The following STK3 variants were observed in gnomAD, a reference collection of about 807,000 sequenced individuals.
The protein encoded by STK3 is serine/threonine-protein kinase 3.
STK3 carries 41 observed loss-of-function variants against 58.0 expected under a neutral mutation model. That is an observed-to-expected ratio of 0.71 (90% CI 0.55 to 0.92). The LOEUF is 0.92. Among genes scored for constraint, STK3 ranks in the 40% least tolerant of loss-of-function variants. The pLI is 0.00. For missense variants in STK3, 479 were observed against 602.7 expected, an observed-to-expected ratio of 0.79 and a Z score of 2.15; for synonymous variants, 170 against 191.0, an observed-to-expected ratio of 0.89 and a Z score of 0.91.
At chr8:98,625,906 G>A (rs897878527) in intron 6 of STK3, among the ~76,000 whole-genome samples, 1 of 152,136 alleles carries the variant, frequency 6.6e-6, no homozygotes, top group Non-Finnish European at 1.5e-5. Flanking sequence ...CTGAAGTGGG[G>A]GGCTTATGAT....
At chr8:98,743,512 TG>T (rs1294404156) in intron 4 of STK3, among the ~76,000 whole-genome samples, 1 of 152,172 alleles carries the variant, frequency 6.6e-6, no homozygotes, top group Non-Finnish European at 1.5e-5. Flanking sequence ...TAAATGGTGC[TG>T]GGAAAACTGG....
intron 1 of STK3, among the ~76,000 whole-genome samples, chr8:98,789,323 C>T (rs768239595): frequency 6.6e-6 from 1 of 152,014 alleles, no homozygotes; most frequent in African/African-American, 2.4e-5. Flanking sequence ...AGAGCACAGA[C>T]AATCTAAGGC....
intron 6 of STK3, among the ~76,000 whole-genome samples, chr8:98,659,124 C>G (rs1297939760): frequency 6.6e-6 from 1 of 151,986 alleles, no homozygotes; most frequent in East Asian, 1.9e-4. Context: ...CTATGATATT[C>G]TTCACAGATT....
intron 6 of STK3, among the ~76,000 whole-genome samples, chr8:98,662,799 A>G (rs980216497): frequency 9.2e-5 from 14 of 152,042 alleles, no homozygotes; most frequent in African/African-American, 3.1e-4. Flanking sequence ...AACATTAGGT[A>G]TATCTCCTAA....
intron 5 of STK3, 115 bp from the exon 6 acceptor site, chr8:98,706,749 A>G (rs2131070062): frequency 7.4e-6 from 9 of 1,217,404 alleles, no homozygotes; most frequent in African/African-American, 1.5e-5. Flanking sequence ...TATATCAGAA[A>G]TTGACTATTT....
chr8:98,897,594 C>CA (rs1426683129), intron 1 of STK3, among the ~76,000 whole-genome samples: 4 of 151,940 alleles, frequency 2.6e-5, no homozygotes, highest in Non-Finnish European at 5.9e-5. Context: ...GACTCCGTCT[C>CA]AAAAACAAAC....
At chr8:98,817,673 C>T (rs954923267) in intron 1 of STK3, among the ~76,000 whole-genome samples, 6 of 152,040 alleles carry the variant, frequency 3.9e-5, no homozygotes, top group Admixed American at 2.0e-4. Context: ...AGGATTGATT[C>T]TTTTTTTCCC....
chr8:98,790,686 G>T (rs1024997680), intron 1 of STK3, among the ~76,000 whole-genome samples: 1 of 152,136 alleles, frequency 6.6e-6, no homozygotes, highest in African/African-American at 2.4e-5. Flanking sequence ...ACAAGAGAAA[G>T]AAATAAAGGG....
chr8:98,887,083 C>T (rs1200434843), intron 1 of STK3, among the ~76,000 whole-genome samples: 5 of 151,694 alleles, frequency 3.3e-5, no homozygotes, highest in African/African-American at 9.7e-5. Flanking sequence ...GGCAACAGAG[C>T]GAGACTCCAC....
chr8:98,524,283 A>G (rs2131469741), intron 10 of STK3, among the ~76,000 whole-genome samples: 1 of 152,340 alleles, frequency 6.6e-6, no homozygotes, highest in South Asian at 2.1e-4. Context: ...ATCAGGAAAC[A>G]TGAGATCTTC....
At chr8:98,791,774 T>C (rs1015793257) in intron 1 of STK3, among the ~76,000 whole-genome samples, 3 of 152,154 alleles carry the variant, frequency 2.0e-5, no homozygotes, top group African/African-American at 7.2e-5. Flanking sequence ...TGTAGGAGAA[T>C]GAAACTGGAT....
At chr8:98,538,496 T>C (rs917966676) in intron 9 of STK3, among the ~76,000 whole-genome samples, 1 of 152,178 alleles carries the variant, frequency 6.6e-6, no homozygotes, top group Non-Finnish European at 1.5e-5. Context: ...TCCAAGTATT[T>C]ATGAAGGGTT....
At chr8:98,679,108 T>C (rs1234034050) in intron 6 of STK3, among the ~76,000 whole-genome samples, 1 of 152,176 alleles carries the variant, frequency 6.6e-6, no homozygotes, top group Non-Finnish European at 1.5e-5. Flanking sequence ...GAAGTCACCG[T>C]CATCTCTCGG....
At chr8:98,896,825 A>G (rs907814332) in intron 1 of STK3, among the ~76,000 whole-genome samples, 1 of 152,048 alleles carries the variant, frequency 6.6e-6, no homozygotes, top group Non-Finnish European at 1.5e-5. Context: ...CAAAAAATAC[A>G]AAAATTAGCT....
intron 1 of STK3, among the ~76,000 whole-genome samples, chr8:98,775,898 T>A (rs978596153): frequency 6.6e-6 from 1 of 152,134 alleles, no homozygotes; most frequent in Non-Finnish European, 1.5e-5. Flanking sequence ...CAAAGATATA[T>A]CATGATGAAC....
chr8:98,755,863 C>A (rs1249761747), intron 3 of STK3, among the ~76,000 whole-genome samples: 1 of 152,114 alleles, frequency 6.6e-6, no homozygotes, highest in Non-Finnish European at 1.5e-5. Flanking sequence ...AGAAGCAGGC[C>A]GGGCACGGTG....
chr8:98,559,624 A>G (rs1166038977), intron 8 of STK3, among the ~76,000 whole-genome samples: 1 of 152,148 alleles, frequency 6.6e-6, no homozygotes, highest in Admixed American at 6.6e-5. Flanking sequence ...CTTGGGATTC[A>G]GACCGCTGTA....
upstream of STK3, among the ~76,000 whole-genome samples, chr8:98,827,265 C>G: frequency 1.3e-5 from 2 of 152,142 alleles, 1 homozygote; most frequent in Admixed American, 1.3e-4. Context: ...ACCCGGGAGG[C>G]AGAGGTTGCA....
chr8:98,559,300 T>C (rs1811830581), intron 8 of STK3, among the ~76,000 whole-genome samples: 1 of 152,110 alleles, frequency 6.6e-6, no homozygotes, highest in Admixed American at 6.5e-5. Flanking sequence ...GGCAAGTGTG[T>C]TAAGGTATAA....
Sources: gnomAD v4.1 joint callset for allele counts (sites outside exome capture counted in the v4.1 genomes callset) on GRCh38, gnomAD v4.1.1 for gene constraint, MANE v1.5 for transcripts, NCBI Gene and HGNC (gene_info 2026-07-23, HGNC 2026-07-21) for gene names.